Variants in RBM4B observed in about 807,000 individuals in gnomAD.
RBM4B encodes the protein RNA binding motif protein 4B.
A neutral mutation model predicts 28.5 loss-of-function variants in RBM4B; 13 were observed. The ratio of observed to expected loss-of-function variants is 0.46; its 90% confidence interval spans 0.30 to 0.72. The LOEUF (loss-of-function observed/expected upper bound fraction) is 0.72, where lower values mean the gene tolerates loss of function less well. Ranked by LOEUF, RBM4B falls within the 30% of genes least tolerant of loss-of-function variation. RBM4B has a pLI of 0.09. For synonymous variants in RBM4B, 167 were observed against 179.1 expected, an observed-to-expected ratio of 0.93 and a Z score of 0.54; for missense variants, 387 against 477.6, an observed-to-expected ratio of 0.81 and a Z score of 1.77.
At chr11:66,671,886 C>T (rs1939472223) in intron 2 of RBM4B, among the ~76,000 whole-genome samples, 1 of 152,056 alleles carries the variant, frequency 6.6e-6, no homozygotes, top group South Asian at 2.1e-4. Flanking sequence ...ATTACAGGCA[C>T]CTGCCACCAT....
intron 2 of RBM4B, 114 bp downstream of exon 2, chr11:66,676,554 T>A (rs1034680497): frequency 1.6e-6 from 2 of 1,233,732 alleles, no homozygotes; most frequent in Admixed American, 2.4e-5. Flanking sequence ...AATCTATTAT[T>A]TCCAGCTAAA....
Position 66,665,592 on chromosome 11 carries a change from C to G in RBM4B, c.*10-14G>C. ...CAATTATCCTACCTGAAAGAGAGCA[C>G]AACACAAGAGGCTTACACAATGCCT... is the stretch of plus-strand genomic sequence containing the variant. On this transcript the variant is annotated splice_polypyrimidine_tract_variant and intron_variant, in intron 3 of 3. Transcript: ENST00000310046. 6.5e-7 allele frequency: 1 copy of G among 1,535,940 alleles called. No homozygotes were observed. The highest frequency in any genetic ancestry group is 8.7e-7 in the Non-Finnish European group (1 of 1,146,878).
At chr11:66,665,609 A>G (rs1303788559) in intron 3 of RBM4B, 31 bp from the exon 4 acceptor site, 2 of 1,535,906 alleles carry the variant, frequency 1.3e-6, no homozygotes, top group Admixed American at 3.9e-5. Context: ...AGAGGCTTAC[A>G]CAATGCCTGG....
At chr11:66,666,909 A>G (rs2135228879) in intron 3 of RBM4B, 1 of 148,756 alleles carries the variant, frequency 6.7e-6, no homozygotes, top group South Asian at 2.2e-4. Flanking sequence ...TTTGCTTTTT[A>G]ATTTTTTTTT....
intron 3 of RBM4B, 26 bp downstream of exon 3, chr11:66,668,587 CTT>C (rs1294859957): frequency 1.3e-6 from 2 of 1,549,990 alleles, no homozygotes; most frequent in Non-Finnish European, 8.8e-7. Context: ...TAAATGGAAT[CTT>C]TTAACCATTC....
At chr11:66,666,460 A>G (rs1939233320) in intron 3 of RBM4B, 1 of 986,954 alleles carries the variant, frequency 1.0e-6, no homozygotes, top group Non-Finnish European at 1.2e-6. Context: ...ACTGCAACCA[A>G]CTCAGGGTTA....
chr11:66,674,882 A>G (rs552095074), intron 2 of RBM4B, among the ~76,000 whole-genome samples: 1 of 152,292 alleles, frequency 6.6e-6, no homozygotes, highest in Admixed American at 6.5e-5. Context: ...TATTAAATAT[A>G]TTTAAAAGGT....
In RBM4B at chr11:66,669,077, C is replaced by T. The variant is rs769122239; in HGVS notation, c.627G>A (p.Met209Ile). Residue 209 changes from methionine to isoleucine, a missense_variant, in exon 3 of 4, where the codon ATG (methionine) becomes ATA (isoleucine). Met to Ile is a conservative substitution (Grantham distance 10). Around this residue, in one of 2 missense-constraint regions of RBM4B, gnomAD observed 226 missense variants for 220.6 expected, o/e 1.02. Coordinates refer to ENST00000310046, the MANE Select transcript of RBM4B (RefSeq NM_031492.4). The part of the protein sequence containing the change: ...TPYTMGYGES[M>I]YYNDAYGALD... Reference sequence around the variant, plus strand: ...GTGCTCCATATGCATCGTTGTAATACATGGATTCCCCGTAGCCCATGGTGT... The same window carrying T: ...GTGCTCCATATGCATCGTTGTAATATATGGATTCCCCGTAGCCCATGGTGT... 6.2e-7 allele frequency: 1 copy of T among 1,614,172 alleles called. No homozygotes were observed.
chr11:66,665,487 G>T lies in RBM4B; in HGVS notation c.*101C>A. ...AAACTCCTTTTGTTTACTGAAACATGAAGCAATGGAAACATCCCGGCAAAG... is the reference window on the plus strand; with the variant it reads ...AAACTCCTTTTGTTTACTGAAACATTAAGCAATGGAAACATCCCGGCAAAG... On this transcript the variant is annotated 3_prime_UTR_variant, in exon 4 of 4. Coordinates refer to ENST00000310046, the MANE Select transcript of RBM4B (RefSeq NM_031492.4). 1.1e-6 allele frequency: 1 copy of T among 931,078 alleles called. No individual in the cohort carries two copies. The highest frequency in any genetic ancestry group is 1.7e-6 in the Non-Finnish European group (1 of 599,920). The allele number at this position is 931,078 out of a possible 1,614,324, so 57.7% of individuals were successfully genotyped here.
intron 2 of RBM4B, 127 bp downstream of exon 2, chr11:66,676,541 C>T (rs1939641630): frequency 8.8e-7 from 1 of 1,142,788 alleles, no homozygotes; most frequent in South Asian, 1.5e-5. Context: ...GAGCGGTAAA[C>T]ATAATCTATT....
chr11:66,674,679 T>C (rs1439555609), intron 2 of RBM4B, among the ~76,000 whole-genome samples: 3 of 152,082 alleles, frequency 2.0e-5, no homozygotes, highest in African/African-American at 7.2e-5. Flanking sequence ...GCGATTCTCC[T>C]GTCTCAGCCT....
chr11:66,677,320 C>G (rs1939672688), intron 1 of RBM4B: 1 of 576,458 alleles, frequency 1.7e-6, no homozygotes, highest in Admixed American at 3.1e-5. Flanking sequence ...AGTCTATCAT[C>G]TCCGTGAAGT....
Position 66,668,811 on chromosome 11 carries a change from TAGG to T in RBM4B, c.890_892del (p.Ser297del), listed in dbSNP as rs755209079. On this transcript the variant is annotated inframe_deletion, in exon 3 of 4. Coordinates refer to ENST00000310046, the MANE Select transcript of RBM4B (RefSeq NM_031492.4). ...CAGTGGGCTCCTGTCCCTTCCATAG[TAGG>T]AGGAAGTGGTGGCTGCAGCAGCAGC... is the stretch of plus-strand genomic sequence containing the variant. The T allele has an allele frequency of 6.2e-7, 1 of 1,614,096 alleles. No individual in the cohort carries two copies. The highest frequency in any genetic ancestry group is 1.3e-5 in the African/African-American group (1 of 75,010).
rs1019613233 is a variant in RBM4B, at chr11:66,669,420, A to C, written c.413-129T>G. The stretch of plus-strand genomic sequence containing the variant: ...CACACACCTGTGACCCTATTTCAGC[A>C]ACCTCCTTTAAAAAGTAGTTGAAGT... On this transcript the variant is annotated intron_variant, in intron 2 of 3. Transcript: ENST00000310046. The C allele has an allele frequency of 5.9e-6, 5 of 849,902 alleles. No homozygotes were observed. In the African/African-American group the frequency reaches 8.5e-5, roughly 15 times the overall value. The allele number at this position is 849,902 out of a possible 1,614,324, so 52.6% of individuals were successfully genotyped here. A position where few individuals can be genotyped will look rare whatever the true frequency, so the allele number is the denominator to read the frequency against.
intron 2 of RBM4B, among the ~76,000 whole-genome samples, chr11:66,674,094 T>TACTC (rs139266066): frequency 0.014 from 2,122 of 152,142 alleles, 50 homozygotes; most frequent in African/African-American, 0.048. Flanking sequence ...ATTATTCAGA[T>TACTC]ACATCCTAAA....
intron 2 of RBM4B, among the ~76,000 whole-genome samples, chr11:66,671,891 C>A (rs1160325606): frequency 1.3e-5 from 2 of 152,046 alleles, no homozygotes; most frequent in African/African-American, 4.8e-5. Context: ...AGGCACCTGC[C>A]ACCATTGGTG....
chr11:66,666,900 T>C (rs956069245), intron 3 of RBM4B: 10 of 151,548 alleles, frequency 6.6e-5, no homozygotes, highest in Non-Finnish European at 1.0e-4. Context: ...TGCTGTGGCT[T>C]TGCTTTTTAA....
At position 66,668,868 on chromosome 11, in the gene RBM4B, G is replaced by A; in HGVS notation, c.836C>T (p.Ser279Phe). ...AGCAGCTGAAGTGGCAGCAGCGCCAGAGTTTGGCAATAGGTGTCTGTCATA... is the reference window on the plus strand; with the variant it reads ...AGCAGCTGAAGTGGCAGCAGCGCCAAAGTTTGGCAATAGGTGTCTGTCATA... The part of the protein sequence containing the change: ...DPYDRHLLPN[S>F]GAAATSAAMA... Residue 279 changes from serine (S) to phenylalanine (F), a missense_variant, in exon 3 of 4, where the codon TCT becomes TTT. This residue lies in a region of RBM4B where 226 missense variants were observed against 220.6 expected (regional missense o/e 1.02). Coordinates refer to ENST00000310046, the MANE Select transcript of RBM4B (RefSeq NM_031492.4). 1 of 1,614,230 alleles carries A rather than the reference G, an allele frequency of 6.2e-7. No individual in the cohort carries two copies. Among genetic ancestry groups the A allele is most frequent in the Non-Finnish European group, 8.5e-7 (1 of 1,180,034 alleles).
chr11:66,671,894 C>T (rs1939472346), intron 2 of RBM4B, among the ~76,000 whole-genome samples: 2 of 152,060 alleles, frequency 1.3e-5, no homozygotes, highest in South Asian at 2.1e-4. Context: ...CACCTGCCAC[C>T]ATTGGTGTGG....
Sources: gnomAD v4.1 joint callset for allele counts (sites outside exome capture counted in the v4.1 genomes callset) on GRCh38, gnomAD v4.1.1 for gene constraint, gnomAD v4.1.1 regional missense constraint, MANE v1.5 for transcripts, NCBI Gene and HGNC (gene_info 2026-07-23, HGNC 2026-07-21) for gene names.